The following SORCS2 variants were observed in gnomAD, a reference collection of about 807,000 sequenced individuals.
The protein encoded by SORCS2 is sortilin related VPS10 domain containing receptor 2, also known as VPS10 domain-containing receptor SorCS2.
A neutral mutation model predicts 141.6 loss-of-function variants in SORCS2; 100 were observed. The observed-to-expected ratio is 0.71, with a 90% confidence interval of 0.60 to 0.83. The LOEUF (loss-of-function observed/expected upper bound fraction) is 0.83, where lower values mean the gene tolerates loss of function less well. Among genes scored for constraint, SORCS2 ranks in the 40% least tolerant of loss-of-function variants. The pLI is 0.00. For missense variants in SORCS2, 1,646 were observed against 1,560.2 expected (o/e 1.05, Z -0.93); for synonymous variants, 789 against 676.9 (o/e 1.17, Z -2.57).
intron 1 of SORCS2, among the ~76,000 whole-genome samples, chr4:7,274,574 G>A (rs1715360606): frequency 6.6e-6 from 1 of 152,138 alleles, no homozygotes; most frequent in Non-Finnish European, 1.5e-5. Context: ...TAAACAACCA[G>A]ATCGTATGAG....
chr4:7,456,320 T>C (rs772408138), intron 2 of SORCS2, among the ~76,000 whole-genome samples: 9 of 152,184 alleles, frequency 5.9e-5, no homozygotes, highest in Non-Finnish European at 1.3e-4. Context: ...AATGAATGAA[T>C]GAATGAATGA....
chr4:7,669,537 T>C (rs1048482456), intron 8 of SORCS2, among the ~76,000 whole-genome samples: 2 of 152,262 alleles, frequency 1.3e-5, no homozygotes, highest in African/African-American at 2.4e-5. Context: ...CAACAACTTA[T>C]AGAAGTGGCT....
intron 2 of SORCS2, among the ~76,000 whole-genome samples, chr4:7,461,576 T>C (rs1404239227): frequency 6.6e-6 from 1 of 152,082 alleles, no homozygotes; most frequent in Non-Finnish European, 1.5e-5. Context: ...TCCAAGGACA[T>C]AATGAGAAAT....
chr4:7,582,534 A>G (rs1257048745), intron 3 of SORCS2, among the ~76,000 whole-genome samples: 1 of 152,178 alleles, frequency 6.6e-6, no homozygotes, highest in South Asian at 2.1e-4. Context: ...ACCTGGCGCT[A>G]AGCCATTCGT....
At chr4:7,618,081 T>C (rs1718887097) in intron 3 of SORCS2, among the ~76,000 whole-genome samples, 2 of 152,034 alleles carry the variant, frequency 1.3e-5, no homozygotes, top group African/African-American at 4.8e-5. Context: ...TGCTGCCCCA[T>C]GACACCCCCT....
chr4:7,707,735 T>C (rs1725559640), intron 14 of SORCS2, among the ~76,000 whole-genome samples: 1 of 152,216 alleles, frequency 6.6e-6, no homozygotes, highest in South Asian at 2.1e-4. Context: ...GAAGAGGCGC[T>C]TGATGCTCAG....
intron 1 of SORCS2, among the ~76,000 whole-genome samples, chr4:7,335,564 G>A (rs537222554): frequency 6.6e-6 from 1 of 152,332 alleles, no homozygotes; most frequent in East Asian, 1.9e-4. Context: ...CCCGAGGACG[G>A]CCAGTTCAGG....
intron 23 of SORCS2, among the ~76,000 whole-genome samples, chr4:7,731,465 A>AT (rs1711676069): frequency 6.6e-6 from 1 of 152,190 alleles, no homozygotes; most frequent in African/African-American, 2.4e-5. Flanking sequence ...AGAAAAAAAA[A>AT]TCCTAAAATT....
intron 3 of SORCS2, among the ~76,000 whole-genome samples, chr4:7,600,656 TACACACACACACACACACAC>T (rs57789330): frequency 3.3e-4 from 47 of 140,986 alleles, no homozygotes; most frequent in Non-Finnish European, 5.5e-4. Context: ...CATATATATA[TACACACACACACACACACAC>T]ACACACACAC....
chr4:7,611,884 G>A (rs905807551), intron 3 of SORCS2, among the ~76,000 whole-genome samples: 1 of 152,262 alleles, frequency 6.6e-6, no homozygotes, highest in African/African-American at 2.4e-5. Flanking sequence ...CTCCAGACAG[G>A]CTTGCCGAGC....
rs773421988 is a variant in SORCS2, at chr4:7,434,503, G to C, written c.548+38148G>C. On this transcript the variant is annotated intron_variant, in intron 2 of 26. Coordinates refer to ENST00000507866, the MANE Select transcript of SORCS2 (RefSeq NM_020777.3). ...GCACACCTGTGCCGGGGCACTGTCC[G>C]GGGCCCCACGGAGCATGCTCAGGAT... 3.7e-6 allele frequency: 6 copies of C among 1,612,226 alleles called. No homozygotes were observed. The East Asian group carries it at 1.3e-4, about 36-fold the overall frequency.
chr4:7,451,837 C>A (rs537466408), intron 2 of SORCS2, among the ~76,000 whole-genome samples: 6 of 152,320 alleles, frequency 3.9e-5, no homozygotes, highest in Admixed American at 6.5e-5. Context: ...GATGCTGAAG[C>A]CCCTCCAGGC....
chr4:7,736,678 T>C (rs1357537957), intron 25 of SORCS2, among the ~76,000 whole-genome samples: 1 of 152,122 alleles, frequency 6.6e-6, no homozygotes, highest in Non-Finnish European at 1.5e-5. Flanking sequence ...CTGGGCCGGC[T>C]CGTGCCTCCT....
chr4:7,706,178 G>C (rs1213903569), intron 14 of SORCS2, among the ~76,000 whole-genome samples: 5 of 130,784 alleles, frequency 3.8e-5, no homozygotes, highest in African/African-American at 1.4e-4. Flanking sequence ...GCAGGGATGA[G>C]GCTGGGCTCC....
intron 3 of SORCS2, among the ~76,000 whole-genome samples, chr4:7,623,196 CT>C (rs1719315997): frequency 1.3e-5 from 2 of 152,300 alleles, no homozygotes; most frequent in South Asian, 4.2e-4. Flanking sequence ...ATCAGTGACA[CT>C]CAGAGACACT....
At chr4:7,450,449 T>C (rs1486241052) in intron 2 of SORCS2, among the ~76,000 whole-genome samples, 1 of 152,216 alleles carries the variant, frequency 6.6e-6, no homozygotes, top group Non-Finnish European at 1.5e-5. Flanking sequence ...GGCCCCATCA[T>C]CTTTGTGTCT....
intron 9 of SORCS2, among the ~76,000 whole-genome samples, chr4:7,681,798 C>T (rs757709871): frequency 3.9e-5 from 6 of 152,292 alleles, no homozygotes; most frequent in Non-Finnish European, 5.9e-5. Context: ...AACTGTATGC[C>T]GTTACTATCC....
chr4:7,528,969 G>A (rs1733864902), intron 2 of SORCS2, among the ~76,000 whole-genome samples: 1 of 152,108 alleles, frequency 6.6e-6, no homozygotes, highest in Non-Finnish European at 1.5e-5. Context: ...GTCTGTGCGC[G>A]GCCTTCTCTG....
At chr4:7,397,971 C>T (rs955688825) in intron 2 of SORCS2, among the ~76,000 whole-genome samples, 4 of 152,324 alleles carry the variant, frequency 2.6e-5, no homozygotes, top group Non-Finnish European at 5.9e-5. Flanking sequence ...TGGGGATACC[C>T]GCCTCACAAG....
Sources: allele counts gnomAD v4.1 joint callset (sites outside exome capture counted in the v4.1 genomes callset), GRCh38; gene constraint gnomAD v4.1.1; transcripts MANE v1.5; gene names NCBI Gene and HGNC (gene_info 2026-07-23, HGNC 2026-07-21).